VILL: variants seen among roughly 807,000 people sequenced by gnomAD.
VILL encodes villin like.
In VILL, 102 loss-of-function variants were observed where a neutral mutation model predicts 106.3. The ratio of observed to expected loss-of-function variants is 0.96; its 90% CI spans 0.82 to 1.13. The LOEUF (loss-of-function observed/expected upper bound fraction) is 1.13, where lower values mean the gene tolerates loss of function less well. VILL is among the 50% of genes most tolerant of loss of function. The pLI, the probability that VILL is intolerant of heterozygous loss-of-function variation, is 0.00. For missense variants in VILL, 1,076 were observed against 1,116.6 expected (o/e 0.96, Z 0.52); for synonymous variants, 431 against 440.3 (o/e 0.98, Z 0.27).
chr3:37,993,751 TA>T lies in VILL; in HGVS notation c.60+20del. ...CTCTGAGGTGAGAGGCACGACCAAA[TA>T]GGAGAGTTGGTGACATGGAAGAGCG... is the stretch of plus-strand genomic sequence containing the variant. On this transcript the variant is annotated intron_variant, in intron 2 of 19. Coordinates refer to ENST00000383759, the MANE Select transcript of VILL (RefSeq NM_015873.4). The T allele has an allele frequency of 6.2e-7, 1 of 1,613,656 alleles. No homozygotes were observed. The highest frequency in any genetic ancestry group is 8.5e-7 in the Non-Finnish European group (1 of 1,179,694).
intron 15 of VILL, chr3:38,004,053 G>A: frequency 3.4e-6 from 2 of 585,628 alleles, no homozygotes; most frequent in Non-Finnish European, 5.7e-6. Context: ...GCTGGGTGGG[G>A]CGAGAGCTTT....
At chr3:37,999,741 C>G (rs1559366418) in intron 11 of VILL, among the ~76,000 whole-genome samples, 1 of 152,316 alleles carries the variant, frequency 6.6e-6, no homozygotes, top group East Asian at 1.9e-4. Context: ...TATACAGACA[C>G]ACATACTAAC....
At chr3:37,999,805 G>A (rs190127142) in intron 11 of VILL, among the ~76,000 whole-genome samples, 26 of 152,300 alleles carry the variant, frequency 1.7e-4, no homozygotes, top group African/African-American at 6.3e-4. Flanking sequence ...ATATGAAGCT[G>A]CAAAAACTCT....
chr3:38,005,712 T>C (rs1699904788), intron 16 of VILL, 80 bp from the exon 17 acceptor site: 3 of 1,473,840 alleles, frequency 2.0e-6, no homozygotes, highest in African/African-American at 1.4e-5. Flanking sequence ...CTGGGACAAC[T>C]GGACAGGGAG....
Position 37,998,995 on chromosome 3 carries a change from GCT to G in VILL, c.1029_1030del (p.Phe344ProfsTer5). ...GCGCCGAGTCGGCCGCGTTCAAGCAGCTCTTCCGGACTTGGTCTGAGAAGCGG... is the reference window on the plus strand; with the variant it reads ...GCGCCGAGTCGGCCGCGTTCAAGCAGCTTCCGGACTTGGTCTGAGAAGCGG... ...DGAESAAFKQ[L>X]FRTWSEKRRR... is the part of the protein sequence containing the mutation. On this transcript the variant is annotated frameshift_variant, in exon 10 of 20. Coordinates refer to ENST00000383759, the MANE Select transcript of VILL (RefSeq NM_015873.4). LOFTEE classifies it high-confidence loss of function. This position sits in a 1 kb window ranked among gnomAD's most constrained non-coding sequence, Gnocchi z 4.1. 5 of 1,609,206 alleles carry G rather than the reference GCT, an allele frequency of 3.1e-6. No individual in the cohort carries two copies. Among genetic ancestry groups the G allele is most frequent in the Non-Finnish European group, 4.2e-6 (5 of 1,178,106 alleles).
intron 5 of VILL, among the ~76,000 whole-genome samples, chr3:37,996,513 C>T (rs1699704013): frequency 6.6e-6 from 1 of 152,186 alleles, no homozygotes; most frequent in Non-Finnish European, 1.5e-5. Flanking sequence ...TGTACAACGT[C>T]TACAGTGTGA....
chr3:37,990,911 G>C lies in VILL; in HGVS notation c.-87+82G>C, dbSNP rs1179350678. The C allele has an allele frequency of 2.0e-5, 3 of 152,476 alleles. No homozygotes were observed. The highest frequency in any genetic ancestry group is 6.5e-5 in the Admixed American group (1 of 15,282). The allele number at this position is 152,476 out of a possible 1,614,324, so 9.4% of individuals were successfully genotyped here. ...GTGGGCTATTCAAGTCAAGGGCATA[G>C]AGCATAGGGTCCCAGGGCTCAGGGC... On this transcript the variant is annotated intron_variant, in intron 1 of 19. Coordinates refer to ENST00000383759, the MANE Select transcript of VILL (RefSeq NM_015873.4). The surrounding 1 kb of genome is among the most constrained non-coding windows in gnomAD (Gnocchi z 5.1).
rs537017355 is a variant in VILL at position 38,002,522 on chromosome 3, A to G, written c.1606A>G (p.Ser536Gly). The stretch of plus-strand genomic sequence containing the variant: ...AGCCCGTGCCTCATCCCTCAACTCC[A>G]GTGACATCTTCTTGCTGGTCACAGC... ...VPARASSLNS[S>G]DIFLLVTASV... The change falls in exon 14 of 20, where the codon AGT (serine) becomes GGT (glycine). Residue 536 changes from serine (S) to glycine (G), a missense_variant. By Grantham distance (56) the Ser-to-Gly change is moderately conservative. Transcript: ENST00000383759. 5 of 1,614,176 alleles carry G rather than the reference A, an allele frequency of 3.1e-6. No individual in the cohort carries two copies. In the East Asian group the frequency reaches 8.9e-5, roughly 29 times the overall value.
Position 37,998,829 on chromosome 3 carries a change from G to A in VILL, c.943-83G>A. 2.0e-6 allele frequency: 3 copies of A among 1,516,922 alleles called. No homozygotes were observed. The highest frequency in any genetic ancestry group is 2.5e-5 in the South Asian group (2 of 79,622). 94.0% of individuals were successfully genotyped at this position (1,516,922 alleles called of 1,614,324 possible). A position where few individuals can be genotyped will look rare whatever the true frequency, so the allele number is the denominator to read the frequency against. On this transcript the variant is annotated intron_variant, in intron 9 of 19. Coordinates refer to ENST00000383759, the MANE Select transcript of VILL (RefSeq NM_015873.4). The surrounding 1 kb of genome is among the most constrained non-coding windows in gnomAD (Gnocchi z 4.1). ...AATTAACGCTTCTTGGAGCTCGGCTGTCCCAGAGCGGTAGGTCCCCAGGAG... is the reference window on the plus strand; with the variant it reads ...AATTAACGCTTCTTGGAGCTCGGCTATCCCAGAGCGGTAGGTCCCCAGGAG...
In VILL at chr3:37,998,995, G is replaced by A. The variant is rs772558181; in HGVS notation, c.1026G>A (p.Gln342=). The A allele has an allele frequency of 1.2e-6, 2 of 1,609,092 alleles. No homozygotes were observed. The highest frequency in any genetic ancestry group is 1.3e-5 in the African/African-American group (1 of 74,316). The part of the protein sequence containing the change: ...NDGAESAAFK[Q]LFRTWSEKRR... ...GCGCCGAGTCGGCCGCGTTCAAGCA[G>A]CTCTTCCGGACTTGGTCTGAGAAGC... Residue 342 remains glutamine (Q), a synonymous_variant, in exon 10 of 20, where the codon CAG becomes CAA. Transcript: ENST00000383759. This position sits in a 1 kb window ranked among gnomAD's most constrained non-coding sequence, Gnocchi z 4.1.
chr3:38,001,801 A>T lies in VILL; in HGVS notation c.1420A>T (p.Met474Leu), dbSNP rs747621303. ...CGTCCTAGTACAGGAGCATGTGACC[A>T]TGGGCAGCGAGCCCCCCCACTTCCT... ...GGVLVQEHVT[M>L]GSEPPHFLAI... The change falls in exon 13 of 20, where the codon ATG becomes TTG. Residue 474 changes from methionine (M) to leucine (L), a missense_variant. Physicochemically the swap from Met to Leu is conservative, Grantham distance 15. Coordinates refer to ENST00000383759, the MANE Select transcript of VILL (RefSeq NM_015873.4). 1.2e-6 allele frequency: 2 copies of T among 1,614,150 alleles called. No individual in the cohort carries two copies. Among genetic ancestry groups the T allele is most frequent in the Non-Finnish European group, 1.7e-6 (2 of 1,179,988 alleles).
chr3:37,993,645 G>A lies in VILL; in HGVS notation c.-28G>A. 6.2e-7 allele frequency: 1 copy of A among 1,611,680 alleles called. No individual in the cohort carries two copies. Among genetic ancestry groups the A allele is most frequent in the Non-Finnish European group, 8.5e-7 (1 of 1,178,448 alleles). ...GAGAACTCTGGCTGTTGTTCCTTGTGTCGTCCCATATTCCTGCCTGGCCTG... is the reference window on the plus strand; with the variant it reads ...GAGAACTCTGGCTGTTGTTCCTTGTATCGTCCCATATTCCTGCCTGGCCTG... On this transcript the variant is annotated 5_prime_UTR_variant, in exon 2 of 20. Transcript: ENST00000383759.
At chr3:37,993,459 A>T (rs191479411) in intron 1 of VILL, 128 bp from the exon 2 acceptor site, 63 of 576,184 alleles carry the variant, frequency 1.1e-4, no homozygotes, top group Non-Finnish European at 1.2e-4. Context: ...GTTTATGCCT[A>T]ATCTGCCCAA....
chr3:37,997,298 A>C lies in VILL; in HGVS notation c.561+111A>C, dbSNP rs1699720697. The C allele has an allele frequency of 7.1e-6, 9 of 1,260,868 alleles. No individual in the cohort carries two copies. Among genetic ancestry groups the C allele is most frequent in the Non-Finnish European group, 9.0e-6 (8 of 887,426 alleles). 78.1% of individuals were successfully genotyped at this position (1,260,868 alleles called of 1,614,324 possible). A position where few individuals can be genotyped will look rare whatever the true frequency, so the allele number is the denominator to read the frequency against. On this transcript the variant is annotated intron_variant, in intron 6 of 19. Coordinates refer to ENST00000383759, the MANE Select transcript of VILL (RefSeq NM_015873.4). This position sits in a 1 kb window ranked among gnomAD's most constrained non-coding sequence, Gnocchi z 4.7. Reference sequence around the variant, plus strand: ...GTTGGGCTTGGCTCTGCTACAACCCAAGAAACGCCTATGAGTTACAAGCTG... The same window carrying C: ...GTTGGGCTTGGCTCTGCTACAACCCCAGAAACGCCTATGAGTTACAAGCTG...
Position 37,999,447 on chromosome 3 carries a change from G to A in VILL, c.1182+8G>A. The A allele has an allele frequency of 1.4e-6, 2 of 1,471,840 alleles. No individual in the cohort carries two copies. Among genetic ancestry groups the A allele is most frequent in the Non-Finnish European group, 1.8e-6 (2 of 1,112,776 alleles). 91.2% of individuals were successfully genotyped at this position (1,471,840 alleles called of 1,614,324 possible). ...GGCTCTGGGAAGGTGGAGGTGAGGG[G>A]TACTGGGTTAGCTGGGGGAAGATGG... On this transcript the variant is annotated splice_region_variant and intron_variant, in intron 11 of 19. Coordinates refer to ENST00000383759, the MANE Select transcript of VILL (RefSeq NM_015873.4).
intron 14 of VILL, 164 bp downstream of exon 14, chr3:38,002,739 A>T: frequency 1.2e-6 from 1 of 827,110 alleles, no homozygotes; most frequent in South Asian, 1.9e-5. Context: ...GAACTTGGGG[A>T]AAGTTACAAA....
At chr3:38,001,982 CCAG>C in intron 13 of VILL, 122 bp downstream of exon 13, 3 of 1,489,360 alleles carry the variant, frequency 2.0e-6, no homozygotes, top group Non-Finnish European at 2.7e-6. Context: ...CCCTAGTTTC[CCAG>C]AGCTTGTCCA....
rs1275819966 is a variant in VILL, at chr3:37,993,729, T to C, written c.57T>C (p.Ser19=). ...AGGGAGGCCTCCACATATGGATCTC[T>C]GAGGTGAGAGGCACGACCAAATAGG... ...GMQGGLHIWI[S]ENRKMVPVPE... is the part of the protein sequence containing the mutation. Residue 19 remains serine, a synonymous_variant, in exon 2 of 20, where the codon TCT becomes TCC. Transcript: ENST00000383759. 1.2e-6 allele frequency: 2 copies of C among 1,613,920 alleles called. No homozygotes were observed. The highest frequency in any genetic ancestry group is 1.7e-6 in the Non-Finnish European group (2 of 1,179,974).
At position 37,993,899 on chromosome 3, in the gene VILL, A is replaced by G. The variant is rs908682954; in HGVS notation, c.62A>G (p.Asn21Ser). The G allele has an allele frequency of 4.3e-6, 7 of 1,614,004 alleles. No individual in the cohort carries two copies. The highest frequency in any genetic ancestry group is 5.9e-6 in the Non-Finnish European group (7 of 1,180,016). Reference protein sequence around the residue: ...QGGLHIWISENRKMVPVPEGA... With the variant: ...QGGLHIWISESRKMVPVPEGA... ...TTACAGGGAACTCTCCTCTCCCAGA[A>G]CCGGAAGATGGTGCCGGTACCCGAG... The change falls in exon 3 of 20, where the codon AAC (asparagine) becomes AGC (serine). Residue 21 changes from asparagine (N) to serine (S), a missense_variant and splice_region_variant. By Grantham distance (46) the Asn-to-Ser change is conservative. Coordinates refer to ENST00000383759, the MANE Select transcript of VILL (RefSeq NM_015873.4).
Sources: allele counts gnomAD v4.1 joint callset (sites outside exome capture counted in the v4.1 genomes callset), GRCh38; gene constraint gnomAD v4.1.1; non-coding constraint Gnocchi (gnomAD v3.1); transcripts MANE v1.5; gene names NCBI Gene and HGNC (gene_info 2026-07-23, HGNC 2026-07-21).